The following JAKMIP1 variants were observed in gnomAD, a reference collection of about 807,000 sequenced individuals.
JAKMIP1 encodes the protein janus kinase and microtubule interacting protein 1, also known as janus kinase and microtubule-interacting protein 1.
Under a neutral mutation model 113.0 loss-of-function variants are expected in JAKMIP1, and 33 were observed. The ratio of observed to expected loss-of-function variants is 0.29; its 90% CI spans 0.22 to 0.39. The LOEUF (loss-of-function observed/expected upper bound fraction) is 0.39, where lower values mean the gene tolerates loss of function less well. Ranked by LOEUF, JAKMIP1 falls within the 10% of genes least tolerant of loss-of-function variation. The pLI, the probability that JAKMIP1 is intolerant of heterozygous loss-of-function variation, is 1.00. For missense variants in JAKMIP1, 813 were observed against 1,080.5 expected (o/e 0.75, Z 3.47); for synonymous variants, 480 against 459.9 (o/e 1.04, Z -0.56).
In JAKMIP1 at chr4:6,180,753, C is replaced by T. The variant is rs73077424; in HGVS notation, c.-148+19500G>A. ...TGGAGGTTGTAGCAAGTGGATGTTG[C>T]AGCTAATTCAGTGACATTTAATTTT... On this transcript the variant is annotated intron_variant, in intron 1 of 20. Coordinates refer to ENST00000409021, the MANE Select transcript of JAKMIP1 (RefSeq NM_001099433.2). This position sits in a 1 kb window ranked among gnomAD's most constrained non-coding sequence, Gnocchi z 4.5. 6.6e-6 allele frequency among the ~76,000 whole-genome samples: 1 copy of T among 152,236 alleles called. No homozygotes were observed. Among genetic ancestry groups the T allele is most frequent in the African/African-American group, 2.4e-5 (1 of 41,538 alleles).
chr4:6,176,949 C>T lies in JAKMIP1; in HGVS notation c.-148+23304G>A, dbSNP rs1049053196. 2.0e-5 allele frequency among the ~76,000 whole-genome samples: 3 copies of T among 152,132 alleles called. No individual in the cohort carries two copies. The highest frequency in any genetic ancestry group is 2.9e-5 in the Non-Finnish European group (2 of 68,032). On this transcript the variant is annotated intron_variant, in intron 1 of 20. Coordinates refer to ENST00000409021, the MANE Select transcript of JAKMIP1 (RefSeq NM_001099433.2). The surrounding 1 kb of genome is among the most constrained non-coding windows in gnomAD (Gnocchi z 5.5). ...TGGGGAGGCTGAGGTGGGAGGATCGCTTGCATCGGGGAGGTTGAGGCTGCA... is the reference window on the plus strand; with the variant it reads ...TGGGGAGGCTGAGGTGGGAGGATCGTTTGCATCGGGGAGGTTGAGGCTGCA...
At chr4:6,173,293 T>C (rs1416854619) in intron 1 of JAKMIP1, among the ~76,000 whole-genome samples, 2 of 152,122 alleles carry the variant, frequency 1.3e-5, no homozygotes, top group African/African-American at 4.8e-5. Context: ...AATAAAAATG[T>C]AGGGGAAGGA....
intron 3 of JAKMIP1, 34 bp downstream of exon 3, chr4:6,105,439 C>T (rs1486165123): frequency 5.2e-6 from 8 of 1,545,080 alleles, no homozygotes; most frequent in South Asian, 1.2e-5. Context: ...GGGAAGGCCG[C>T]GTGCCCGCGG....
In JAKMIP1 at chr4:6,062,296, G is replaced by A. The variant is rs1717406775; in HGVS notation, c.1560+16C>T. On this transcript the variant is annotated intron_variant, in intron 10 of 20. Transcript: ENST00000409021. The stretch of plus-strand genomic sequence containing the variant: ...CTTCGGCCCCTCCCTCGAGCCCTGA[G>A]GCTGGCTGCACTCACCCGGGCCTCC... 1 of 1,611,534 alleles carries A rather than the reference G, an allele frequency of 6.2e-7. No homozygotes were observed. The highest frequency in any genetic ancestry group is 1.1e-5 in the South Asian group (1 of 91,000).
chr4:6,062,509 T>C (rs1287438545), intron 9 of JAKMIP1, 69 bp from the exon 10 acceptor site: 11 of 1,501,124 alleles, frequency 7.3e-6, no homozygotes, highest in Non-Finnish European at 8.2e-6. Flanking sequence ...TTATGATTGA[T>C]TTTAATAATA....
chr4:6,118,762 C>A (rs1008658361), intron 1 of JAKMIP1, among the ~76,000 whole-genome samples: 2 of 152,124 alleles, frequency 1.3e-5, no homozygotes, highest in Non-Finnish European at 2.9e-5. Context: ...GGTTGGCCAA[C>A]ATGGGCCAGC....
chr4:6,195,726 TGGGACTGAATGGGTTCAGTCAGACCA>T (rs1727759937), intron 1 of JAKMIP1, among the ~76,000 whole-genome samples: 1 of 152,330 alleles, frequency 6.6e-6, no homozygotes, highest in African/African-American at 2.4e-5. Context: ...CGCCTCCCTC[TGGGACTGAATGGGTTCAGTCAGACCA>T]GGGACAGCAC....
chr4:6,027,498 G>A (rs1712009745), intron 20 of JAKMIP1, among the ~76,000 whole-genome samples: 1 of 152,166 alleles, frequency 6.6e-6, no homozygotes, highest in Non-Finnish European at 1.5e-5. Context: ...AGGGACCAAG[G>A]GGCCAGGGAT....
chr4:6,122,208 C>A (rs866594935), intron 1 of JAKMIP1, among the ~76,000 whole-genome samples: 2 of 152,130 alleles, frequency 1.3e-5, no homozygotes, highest in African/African-American at 4.8e-5. Context: ...AGCCTGTAAT[C>A]CCAACTGTTC....
intron 1 of JAKMIP1, among the ~76,000 whole-genome samples, chr4:6,160,036 T>C (rs1722717600): frequency 6.6e-6 from 1 of 152,124 alleles, no homozygotes. Context: ...GATTTCCTTT[T>C]GGGAGTAAGG....
At chr4:6,041,922 C>A (rs1014967515) in intron 17 of JAKMIP1, among the ~76,000 whole-genome samples, 22 of 152,300 alleles carry the variant, frequency 1.4e-4, no homozygotes, top group Admixed American at 5.9e-4. Flanking sequence ...AGCCTCTAAT[C>A]CTGCCATAGC....
intron 18 of JAKMIP1, among the ~76,000 whole-genome samples, chr4:6,039,067 G>C (rs1435041999): frequency 6.6e-6 from 1 of 152,228 alleles, no homozygotes; most frequent in Non-Finnish European, 1.5e-5. Flanking sequence ...CCATGCAACT[G>C]AAATCCCACT....
chr4:6,078,381 C>A, intron 8 of JAKMIP1, among the ~76,000 whole-genome samples: 1 of 142,348 alleles, frequency 7.0e-6, no homozygotes, highest in Non-Finnish European at 1.5e-5. Context: ...AATAGGTTTA[C>A]AGGTTTAAAG....
rs146471941 is a variant in JAKMIP1, at chr4:6,178,464, C to T, written c.-148+21789G>A. ...CTTTAAGTGGGTTCTGAATATGTTA[C>T]GAGTAGCAATTTTATCAGAAATTAT... On this transcript the variant is annotated intron_variant, in intron 1 of 20. Coordinates refer to ENST00000409021, the MANE Select transcript of JAKMIP1 (RefSeq NM_001099433.2). The surrounding 1 kb of genome is among the most constrained non-coding windows in gnomAD (Gnocchi z 5.5). Among the ~76,000 whole-genome samples the T allele has an allele frequency of 1.7e-3, 259 of 152,196 alleles. No individual in the cohort carries two copies. Among genetic ancestry groups the T allele is most frequent in the African/African-American group, 5.2e-3 (215 of 41,504 alleles).
rs536782723 is a variant in JAKMIP1 at position 6,137,549 on chromosome 4, C to A, written c.-147-24552G>T. On this transcript the variant is annotated intron_variant, in intron 1 of 20. Transcript: ENST00000409021. This position sits in a 1 kb window ranked among gnomAD's most constrained non-coding sequence, Gnocchi z 4.5. ...AATCAGGAGCTGTGATTTGGTTGAA[C>A]GTTCCAGATGGCCTCACTCGAGAGA... Among the ~76,000 whole-genome samples the A allele has an allele frequency of 3.9e-5, 6 of 152,312 alleles. No homozygotes were observed. The South Asian group carries it at 1.2e-3, about 32-fold the overall frequency.
intron 1 of JAKMIP1, among the ~76,000 whole-genome samples, chr4:6,117,900 C>T (rs973329804): frequency 6.6e-6 from 1 of 152,248 alleles, no homozygotes; most frequent in Non-Finnish European, 1.5e-5. Context: ...CTCTCTTATT[C>T]CCTGAACAAT....
rs1470332345 is a variant in JAKMIP1 at position 6,180,361 on chromosome 4, A to G, written c.-148+19892T>C. On this transcript the variant is annotated intron_variant, in intron 1 of 20. Coordinates refer to ENST00000409021, the MANE Select transcript of JAKMIP1 (RefSeq NM_001099433.2). The surrounding 1 kb of genome is among the most constrained non-coding windows in gnomAD (Gnocchi z 4.5). ...AAGCTTCCTTTAGAACATTCTGTGC[A>G]CGTGAAGTCTTCTTTCTTATTGAGA... Among the ~76,000 whole-genome samples, 1 of 152,232 alleles carries G rather than the reference A, an allele frequency of 6.6e-6. No homozygotes were observed. The highest frequency in any genetic ancestry group is 2.4e-5 in the African/African-American group (1 of 41,474).
At position 6,185,692 on chromosome 4, in the gene JAKMIP1, G is replaced by C. The variant is rs1726581030; in HGVS notation, c.-148+14561C>G. On this transcript the variant is annotated intron_variant, in intron 1 of 20. Transcript: ENST00000409021. The surrounding 1 kb of genome is among the most constrained non-coding windows in gnomAD (Gnocchi z 5.3). ...CCCAGCTGCAGAGTCCCTGATCCAG[G>C]AGATCAGGGTGGGGCCAGAGGACCT... Among the ~76,000 whole-genome samples the C allele has an allele frequency of 6.6e-6, 1 of 152,134 alleles. No individual in the cohort carries two copies. Among genetic ancestry groups the C allele is most frequent in the African/African-American group, 2.4e-5 (1 of 41,430 alleles).
At chr4:6,037,945 T>C (rs112719540) in intron 18 of JAKMIP1, among the ~76,000 whole-genome samples, 1 of 100,226 alleles carries the variant, frequency 1.0e-5, no homozygotes, top group African/African-American at 4.7e-5. Flanking sequence ...GAGTCAGAGG[T>C]TAACCCAGTA....
Sources: allele counts gnomAD v4.1 joint callset (sites outside exome capture counted in the v4.1 genomes callset), GRCh38; gene constraint gnomAD v4.1.1; non-coding constraint Gnocchi (gnomAD v3.1); transcripts MANE v1.5; gene names NCBI Gene and HGNC (gene_info 2026-07-23, HGNC 2026-07-21).